The following PCDHGA7 variants were observed in gnomAD, a reference collection of about 807,000 sequenced individuals.
The protein encoded by PCDHGA7 is protocadherin gamma-A7.
A neutral mutation model predicts 58.3 loss-of-function variants in PCDHGA7; 44 were observed. That is an observed-to-expected ratio of 0.75 (90% CI 0.59 to 0.97). PCDHGA7 has a LOEUF of 0.97. Among genes scored for constraint, PCDHGA7 ranks in the 50% least tolerant of loss-of-function variants. The probability of loss-of-function intolerance (pLI) is 0.00; values close to 1 mark genes in which losing one functional copy is unlikely to be tolerated. For synonymous variants in PCDHGA7, 516 were observed against 504.2 expected, an observed-to-expected ratio of 1.02 and a Z score of -0.31; for missense variants, 1,266 against 1,188.7, an observed-to-expected ratio of 1.06 and a Z score of -0.96.
At chr5:141,437,741 C>CT (rs35124340) in intron 1 of PCDHGA7, among the ~76,000 whole-genome samples, 18,734 of 141,656 alleles carry the variant, frequency 0.13, 1,459 homozygotes, top group African/African-American at 0.22. Context: ...TTGAGTTCAC[C>CT]TTTTTTTTTT....
At chr5:141,423,761 TG>T in intron 1 of PCDHGA7, 1 of 156,420 alleles carries the variant, frequency 6.4e-6, no homozygotes, top group Non-Finnish European at 9.2e-6. Context: ...GGGGGGGGGG[TG>T]GGGCGGCATA....
At chr5:141,399,591 G>A (rs2093843307) in intron 1 of PCDHGA7, 1 of 1,613,970 alleles carries the variant, frequency 6.2e-7, no homozygotes. Flanking sequence ...ACTCTATCAT[G>A]GCCAGCGACC....
intron 1 of PCDHGA7, among the ~76,000 whole-genome samples, chr5:141,444,106 G>A (rs2098417269): frequency 7.6e-6 from 1 of 131,112 alleles, no homozygotes; most frequent in South Asian, 2.6e-4. Flanking sequence ...TGGAAACCAA[G>A]AAAAGTGAAG....
At position 141,394,905 on chromosome 5, in the gene PCDHGA7, G is replaced by A. The variant is rs1281710551; in HGVS notation, c.2424+9582G>A. On this transcript the variant is annotated intron_variant, in intron 1 of 3. Transcript: ENST00000518325. ...TACACTCTATCTCGTGGTGGCAGTG[G>A]CTGCCATCTCCTGTGTCTTCCTCGC... The A allele has an allele frequency of 1.2e-6, 2 of 1,613,720 alleles. No individual in the cohort carries two copies. Among genetic ancestry groups the A allele is most frequent in the Non-Finnish European group, 1.7e-6 (2 of 1,179,870 alleles).
intron 1 of PCDHGA7, chr5:141,403,607 G>T: frequency 6.2e-7 from 1 of 1,613,858 alleles, no homozygotes; most frequent in Non-Finnish European, 8.5e-7. Flanking sequence ...GGATGGCGGC[G>T]AGCCGCGTCG....
Position 141,384,327 on chromosome 5 carries a change from A to G in PCDHGA7, c.1428A>G (p.Ala476=), listed in dbSNP as rs750339599. The change falls in exon 1 of 4, where the codon GCA becomes GCG. Residue 476 remains alanine (A), a synonymous_variant. Coordinates refer to ENST00000518325, the MANE Select transcript of PCDHGA7 (RefSeq NM_018920.4). ...PRGASIFLVT[A]QDHDSEDNAQ... is the part of the protein sequence containing the mutation. ...GGGCCTCCATTTTCTTAGTGACTGC[A>G]CAGGACCACGACAGTGAGGATAATG... The G allele has an allele frequency of 2.7e-5, 43 of 1,613,860 alleles. No individual in the cohort carries two copies. The highest frequency in any genetic ancestry group is 3.1e-5 in the Non-Finnish European group (36 of 1,179,890).
Position 141,491,302 on chromosome 5 carries a change from T to TC in PCDHGA7, c.2425-3504dup. The TC allele has an allele frequency of 6.2e-7, 1 of 1,614,126 alleles. No individual in the cohort carries two copies. Among genetic ancestry groups the TC allele is most frequent in the Non-Finnish European group, 8.5e-7 (1 of 1,180,000 alleles). On this transcript the variant is annotated intron_variant, in intron 1 of 3. Transcript: ENST00000518325. The surrounding 1 kb of genome is among the most constrained non-coding windows in gnomAD (Gnocchi z 6.9). ...CTTCCTCATACACCCTCCTGAGCGT[T>TC]CAGACCTTACCCTTTACCTCATTGT... is the stretch of plus-strand genomic sequence containing the variant.
chr5:141,430,919 C>T, intron 1 of PCDHGA7: 1 of 1,607,610 alleles, frequency 6.2e-7, no homozygotes, highest in Non-Finnish European at 8.5e-7. Context: ...GGACCTGGGG[C>T]TGGAGCCCCG....
chr5:141,402,197 A>G (rs1346156119), intron 1 of PCDHGA7, among the ~76,000 whole-genome samples: 5 of 152,132 alleles, frequency 3.3e-5, no homozygotes, highest in Non-Finnish European at 5.9e-5. Context: ...TATTACTTTT[A>G]TAATACAAAA....
chr5:141,427,150 T>C (rs570999921), intron 1 of PCDHGA7: 6 of 456,866 alleles, frequency 1.3e-5, no homozygotes, highest in African/African-American at 4.0e-5. Flanking sequence ...ATTGGAAATA[T>C]GTTTGTGCTA....
intron 1 of PCDHGA7, among the ~76,000 whole-genome samples, chr5:141,454,985 A>G (rs1292477757): frequency 1.3e-5 from 2 of 150,314 alleles, no homozygotes; most frequent in African/African-American, 4.9e-5. Context: ...TTTTTTAAAA[A>G]ATATTTTTAG....
rs1408938686 is a variant in PCDHGA7 at position 141,398,777 on chromosome 5, G to A, written c.2424+13454G>A. On this transcript the variant is annotated intron_variant, in intron 1 of 3. Transcript: ENST00000518325. ...CGTTTAGTCCTGACTGCCTTGGACG[G>A]TGGACATCCACCCCTAAGCGGCACC... is the stretch of plus-strand genomic sequence containing the variant. The A allele has an allele frequency of 3.1e-6, 5 of 1,613,902 alleles. 1 individual carries two copies. The South Asian group carries it at 3.3e-5, about 11-fold the overall frequency.
chr5:141,435,804 A>AT (rs2097781092), intron 1 of PCDHGA7, among the ~76,000 whole-genome samples: 1 of 151,814 alleles, frequency 6.6e-6, no homozygotes, highest in Non-Finnish European at 1.5e-5. Flanking sequence ...CGTCCCAATT[A>AT]TTTTTTCTTT....
chr5:141,394,653 C>T lies in PCDHGA7; in HGVS notation c.2424+9330C>T, dbSNP rs545273127. On this transcript the variant is annotated intron_variant, in intron 1 of 3. Coordinates refer to ENST00000518325, the MANE Select transcript of PCDHGA7 (RefSeq NM_018920.4). ...CTACCGCCTGCTCAAGGCCAGCGAG[C>T]CGGGACTCTTCTCGGTGGGTCTGCA... The T allele has an allele frequency of 9.9e-6, 16 of 1,613,348 alleles. No homozygotes were observed. The East Asian group carries it at 3.1e-4, about 31-fold the overall frequency.
chr5:141,481,351 A>G (rs2099536232), intron 1 of PCDHGA7, among the ~76,000 whole-genome samples: 1 of 152,152 alleles, frequency 6.6e-6, no homozygotes, highest in Non-Finnish European at 1.5e-5. Context: ...TTAAACATCT[A>G]CAGCTGTTCA....
chr5:141,490,142 C>T lies in PCDHGA7; in HGVS notation c.2425-4665C>T. On this transcript the variant is annotated intron_variant, in intron 1 of 3. Transcript: ENST00000518325. This position sits in a 1 kb window ranked among gnomAD's most constrained non-coding sequence, Gnocchi z 5.4. ...TTTGGCCTAGACCCTAGCAGTGGGG[C>T]AATCCATGTGTTGGGTCCCATAGAC... 2 of 1,614,220 alleles carry T rather than the reference C, an allele frequency of 1.2e-6. No individual in the cohort carries two copies. Among genetic ancestry groups the T allele is most frequent in the South Asian group, 1.1e-5 (1 of 91,088 alleles).
intron 1 of PCDHGA7, among the ~76,000 whole-genome samples, chr5:141,400,862 A>C (rs1239905125): frequency 6.6e-6 from 1 of 152,224 alleles, no homozygotes; most frequent in African/African-American, 2.4e-5. Context: ...TTGTATGTAG[A>C]TAAACCATTA....
At chr5:141,401,838 T>C in intron 1 of PCDHGA7, among the ~76,000 whole-genome samples, 1 of 152,232 alleles carries the variant, frequency 6.6e-6, no homozygotes, top group East Asian at 1.9e-4. Context: ...TTTCTTATAA[T>C]ACCACTTACT....
intron 1 of PCDHGA7, among the ~76,000 whole-genome samples, chr5:141,470,694 ATAATTT>A (rs2099236876): frequency 6.6e-6 from 1 of 151,978 alleles, no homozygotes; most frequent in African/African-American, 2.4e-5. Context: ...GAAATTCTTA[ATAATTT>A]TTATTTTATT....
Sources: gnomAD v4.1 joint callset for allele counts (sites outside exome capture counted in the v4.1 genomes callset) on GRCh38, gnomAD v4.1.1 for gene constraint, Gnocchi (gnomAD v3.1) non-coding constraint, MANE v1.5 for transcripts, NCBI Gene and HGNC (gene_info 2026-07-23, HGNC 2026-07-21) for gene names.